The following PCDH7 variants were observed in gnomAD, a reference collection of about 807,000 sequenced individuals.
PCDH7 encodes the protein protocadherin-7.
A neutral mutation model predicts 58.9 loss-of-function variants in PCDH7; 17 were observed. The observed-to-expected ratio is 0.29, with a 90% CI of 0.20 to 0.43. The LOEUF (loss-of-function observed/expected upper bound fraction) is 0.43, where lower values mean the gene tolerates loss of function less well. PCDH7 is among the 20% of genes least tolerant of loss of function. The pLI is 1.00. For synonymous variants in PCDH7, 664 were observed against 616.4 expected, an observed-to-expected ratio of 1.08 and a Z score of -1.14; for missense variants, 1,274 against 1,441.0, an observed-to-expected ratio of 0.88 and a Z score of 1.88.
chr4:30,936,049 G>T (rs181450687), intron 2 of PCDH7, among the ~76,000 whole-genome samples: 1 of 151,890 alleles, frequency 6.6e-6, no homozygotes, highest in Non-Finnish European at 1.5e-5. Flanking sequence ...AAAGAACAAC[G>T]TGAAGTGGAT....
At chr4:30,904,740 A>C (rs1336884336) in intron 1 of PCDH7, among the ~76,000 whole-genome samples, 1 of 152,210 alleles carries the variant, frequency 6.6e-6, no homozygotes, top group East Asian at 1.9e-4. Context: ...CCTTTCTAAC[A>C]AAGTGCAGAT....
intron 3 of PCDH7, among the ~76,000 whole-genome samples, chr4:31,046,437 C>T (rs952211346): frequency 5.3e-5 from 8 of 151,996 alleles, no homozygotes; most frequent in African/African-American, 1.9e-4. Context: ...CTAAGCTAAT[C>T]TCCCTAATAT....
intron 3 of PCDH7, among the ~76,000 whole-genome samples, chr4:31,059,896 C>T (rs1757546415): frequency 6.6e-6 from 1 of 151,668 alleles, no homozygotes; most frequent in South Asian, 2.1e-4. Context: ...TAGAGATCAT[C>T]TAATCTATGT....
At position 30,844,311 on chromosome 4, in the gene PCDH7, A is replaced by C. The variant is rs140432461; in HGVS notation, c.71-75842A>C. 4.6e-3 allele frequency among the ~76,000 whole-genome samples: 698 copies of C among 152,316 alleles called. 5 individuals are homozygous for C. Among genetic ancestry groups the C allele is most frequent in the African/African-American group, 0.016 (650 of 41,584 alleles). ...ATAAAAACTCATCTTATCATTGCAA[A>C]ATTGCAAAATTGTCACTGTGGAAAT... On this transcript the variant is annotated intron_variant, in intron 1 of 3. Transcript: ENST00000509759.
chr4:31,079,013 G>A (rs1397334266), intron 3 of PCDH7, among the ~76,000 whole-genome samples: 2 of 151,684 alleles, frequency 1.3e-5, no homozygotes, highest in Admixed American at 1.3e-4. Flanking sequence ...TTGGGTGTAG[G>A]AAGAGTGGAC....
At chr4:30,817,929 T>C (rs1370421131) in intron 1 of PCDH7, among the ~76,000 whole-genome samples, 3 of 152,106 alleles carry the variant, frequency 2.0e-5, no homozygotes, top group African/African-American at 4.8e-5. Context: ...TCGTCCAAGT[T>C]AAAGCCAAAA....
chr4:30,769,942 C>T (rs928719813), intron 1 of PCDH7, among the ~76,000 whole-genome samples: 3 of 152,154 alleles, frequency 2.0e-5, no homozygotes, highest in African/African-American at 4.8e-5. Context: ...TTGTGCTTTG[C>T]ACCATTAATT....
intron 3 of PCDH7, among the ~76,000 whole-genome samples, chr4:31,029,950 C>A (rs1184564398): frequency 6.6e-6 from 1 of 152,106 alleles, no homozygotes; most frequent in Non-Finnish European, 1.5e-5. Flanking sequence ...ACAAAACAAA[C>A]CCACTAGACT....
At chr4:31,089,321 C>A (rs1343919282) in intron 3 of PCDH7, among the ~76,000 whole-genome samples, 2 of 151,928 alleles carry the variant, frequency 1.3e-5, no homozygotes, top group Non-Finnish European at 2.9e-5. Flanking sequence ...GTAATAAATA[C>A]AGAAAAAACA....
chr4:31,082,555 C>T (rs1711631903), intron 3 of PCDH7, among the ~76,000 whole-genome samples: 1 of 152,070 alleles, frequency 6.6e-6, no homozygotes, highest in Non-Finnish European at 1.5e-5. Flanking sequence ...CTTTAAAAAG[C>T]AAGAAAGTCA....
intron 3 of PCDH7, among the ~76,000 whole-genome samples, chr4:31,141,403 A>G (rs960218627): frequency 1.3e-5 from 2 of 152,256 alleles, no homozygotes; most frequent in Non-Finnish European, 2.9e-5. Flanking sequence ...AAAACAATAA[A>G]ACATTTTAAA....
At chr4:30,905,247 T>A (rs989191435) in intron 1 of PCDH7, among the ~76,000 whole-genome samples, 2 of 152,132 alleles carry the variant, frequency 1.3e-5, no homozygotes, top group Non-Finnish European at 2.9e-5. Context: ...GTTTATTTGT[T>A]CATTTTTAGT....
intron 1 of PCDH7, among the ~76,000 whole-genome samples, chr4:30,760,469 C>A (rs112983572): frequency 1.3e-3 from 194 of 152,288 alleles, no homozygotes; most frequent in African/African-American, 4.6e-3. Context: ...TCCAAAGCTT[C>A]TTAAGCTGAT....
At position 30,721,774 on chromosome 4, in the gene PCDH7, G is replaced by A. The variant is rs2109223981; in HGVS notation, c.352G>A (p.Gly118Arg). The A allele has an allele frequency of 6.2e-7, 1 of 1,613,554 alleles. No homozygotes were observed. Among genetic ancestry groups the A allele is most frequent in the African/African-American group, 1.3e-5 (1 of 75,020 alleles). The change falls in exon 1 of 2, where the codon GGG (glycine) becomes AGG (arginine). Residue 118 changes from glycine (G) to arginine (R), a missense_variant. Transcript: ENST00000361762. The surrounding 1 kb of genome is among the most constrained non-coding windows in gnomAD (Gnocchi z 6.7). Reference sequence around the variant, plus strand: ...CCTGGACTTCGAGGTGTCGGTGATCGGGCCCTCGCAGAGCTGGGTGGACCT... The same window carrying A: ...CCTGGACTTCGAGGTGTCGGTGATCAGGCCCTCGCAGAGCTGGGTGGACCT...
At chr4:31,036,250 A>G (rs139146027) in intron 3 of PCDH7, among the ~76,000 whole-genome samples, 1,583 of 152,118 alleles carry the variant, frequency 0.01, 25 homozygotes, top group African/African-American at 0.037. Context: ...CAGTGGTGCA[A>G]TCTCAGCTCA....
intron 1 of PCDH7, among the ~76,000 whole-genome samples, chr4:30,902,929 G>T (rs73812669): frequency 0.041 from 6,290 of 152,000 alleles, 435 homozygotes; most frequent in African/African-American, 0.14. Context: ...CTCAAGAAAA[G>T]GATAAATGAA....
At chr4:30,963,588 T>TC (rs934644913) in intron 3 of PCDH7, among the ~76,000 whole-genome samples, 1 of 25,226 alleles carries the variant, frequency 4.0e-5, no homozygotes, top group Admixed American at 3.8e-4. Context: ...GTTTTTTCTC[T>TC]TTTTTTCTTA....
intron 3 of PCDH7, among the ~76,000 whole-genome samples, chr4:31,060,776 G>A (rs1240482811): frequency 1.3e-5 from 2 of 151,724 alleles, no homozygotes; most frequent in South Asian, 2.1e-4. Context: ...TGTCAGCCAT[G>A]AGGATGAAAA....
chr4:30,978,542 A>G (rs901556276), intron 3 of PCDH7, among the ~76,000 whole-genome samples: 2 of 152,164 alleles, frequency 1.3e-5, no homozygotes, highest in Admixed American at 1.3e-4. Flanking sequence ...AAACGTGCAT[A>G]TGTTTAAATT....
Sources: allele counts gnomAD v4.1 joint callset (sites outside exome capture counted in the v4.1 genomes callset), GRCh38; gene constraint gnomAD v4.1.1; non-coding constraint Gnocchi (gnomAD v3.1); transcripts MANE v1.5; gene names NCBI Gene and HGNC (gene_info 2026-07-23, HGNC 2026-07-21).